RCAN1: variants seen among roughly 807,000 people sequenced by gnomAD.
RCAN1 encodes the protein regulator of calcineurin 1, also known as calcipressin-1.
Under a neutral mutation model 22.9 loss-of-function variants are expected in RCAN1, and 11 were observed. The observed-to-expected ratio is 0.48, with a 90% confidence interval of 0.30 to 0.79. RCAN1 has a LOEUF of 0.79. RCAN1 is among the 30% of genes least tolerant of loss of function. The probability of loss-of-function intolerance (pLI) is 0.06; values close to 1 mark genes in which losing one functional copy is unlikely to be tolerated. For missense variants in RCAN1, 291 were observed against 337.8 expected, an observed-to-expected ratio of 0.86 and a Z score of 1.09; for synonymous variants, 136 against 142.3, an observed-to-expected ratio of 0.96 and a Z score of 0.32.
intron 1 of RCAN1, among the ~76,000 whole-genome samples, chr21:34,557,807 G>A (rs994113969): frequency 6.6e-6 from 1 of 152,160 alleles, no homozygotes; most frequent in Non-Finnish European, 1.5e-5. Context: ...GCAGCGATCC[G>A]AAATTGACTG....
chr21:34,553,934 T>G (rs1986461882), intron 1 of RCAN1, among the ~76,000 whole-genome samples: 1 of 152,232 alleles, frequency 6.6e-6, no homozygotes, highest in Non-Finnish European at 1.5e-5. Flanking sequence ...TCATTACACC[T>G]TACTCAAAGG....
At chr21:34,528,634 G>C (rs2300385) in intron 1 of RCAN1, among the ~76,000 whole-genome samples, 84,474 of 151,920 alleles carry the variant, frequency 0.56, 24,685 homozygotes, top group African/African-American at 0.75. Flanking sequence ...GAGGTGAGGG[G>C]AGCAGACACA....
rs1205365046 is a variant in RCAN1 at position 34,614,397 on chromosome 21, AC to A, written c.252+362del. 1.0e-5 allele frequency: 10 copies of A among 996,142 alleles called. No individual in the cohort carries two copies. The highest frequency in any genetic ancestry group is 1.7e-5 in the African/African-American group (1 of 57,482). The allele number at this position is 996,142 out of a possible 1,614,324, so 61.7% of individuals were successfully genotyped here. A position where few individuals can be genotyped will look rare whatever the true frequency, so the allele number is the denominator to read the frequency against. Reference sequence around the variant, plus strand: ...TTTCCTCCTCCCTAGGAATGAGGTGACCCCCTCCTCCAGCGAGTAAATGCGG... The same window carrying A: ...TTTCCTCCTCCCTAGGAATGAGGTGACCCCTCCTCCAGCGAGTAAATGCGG... On this transcript the variant is annotated intron_variant, in intron 1 of 3. Coordinates refer to ENST00000313806, the MANE Select transcript of RCAN1 (RefSeq NM_004414.7). This position sits in a 1 kb window ranked among gnomAD's most constrained non-coding sequence, Gnocchi z 6.0.
intron 1 of RCAN1, among the ~76,000 whole-genome samples, chr21:34,548,827 C>T (rs1332146509): frequency 2.0e-5 from 3 of 152,154 alleles, no homozygotes; most frequent in African/African-American, 7.2e-5. Context: ...CTAAATAAAA[C>T]TGTATTTCTT....
intron 1 of RCAN1, among the ~76,000 whole-genome samples, chr21:34,544,103 T>C (rs915171918): frequency 1.3e-5 from 2 of 152,234 alleles, no homozygotes; most frequent in South Asian, 2.1e-4. Flanking sequence ...GTAGCTGCCT[T>C]ACTTGGCAAC....
intron 1 of RCAN1, among the ~76,000 whole-genome samples, chr21:34,603,574 C>T (rs1201778703): frequency 6.6e-6 from 1 of 152,206 alleles, no homozygotes; most frequent in Non-Finnish European, 1.5e-5. Context: ...GAATTTCTCA[C>T]TGAAGAGATG....
intron 1 of RCAN1, among the ~76,000 whole-genome samples, chr21:34,573,361 T>C (rs781655978): frequency 9.8e-5 from 15 of 152,320 alleles, no homozygotes; most frequent in Non-Finnish European, 8.8e-5. Context: ...TAACCATCAC[T>C]GATGGAAATA....
intron 1 of RCAN1, among the ~76,000 whole-genome samples, chr21:34,530,723 C>A (rs151100432): frequency 0.025 from 3,596 of 142,552 alleles, 114 homozygotes; most frequent in South Asian, 0.071. Context: ...CTCCTGGGTT[C>A]AAGCGATTCT....
chr21:34,597,995 G>T (rs964609197), intron 1 of RCAN1, among the ~76,000 whole-genome samples: 3 of 152,002 alleles, frequency 2.0e-5, no homozygotes, highest in Non-Finnish European at 4.4e-5. Flanking sequence ...AATAGATAGG[G>T]TCTATATAAA....
chr21:34,564,188 T>C (rs1229550049), intron 1 of RCAN1, among the ~76,000 whole-genome samples: 1 of 152,036 alleles, frequency 6.6e-6, no homozygotes, highest in Non-Finnish European at 1.5e-5. Context: ...AAGAACAGCA[T>C]GGGGGAAACC....
chr21:34,547,333 C>G (rs542317935), intron 1 of RCAN1, among the ~76,000 whole-genome samples: 1 of 152,294 alleles, frequency 6.6e-6, no homozygotes, highest in East Asian at 1.9e-4. Flanking sequence ...CCTTTCTCCC[C>G]CTCCCTCACC....
At chr21:34,613,151 T>C (rs1443033353) in intron 1 of RCAN1, among the ~76,000 whole-genome samples, 2 of 152,162 alleles carry the variant, frequency 1.3e-5, no homozygotes, top group Admixed American at 6.6e-5. Context: ...CTACATTGTC[T>C]CTGCTCAAAA....
rs543975454 is a variant in RCAN1 at position 34,526,690 on chromosome 21, A to G, written c.253-2980T>C. The G allele has an allele frequency of 1.1e-5, 17 of 1,613,562 alleles. No homozygotes were observed. The East Asian group carries it at 1.3e-4, about 13-fold the overall frequency. ...TGGTTTCACTTTCGCTGAAGATATC[A>G]CTGTTTGCCACACAGGCAATCAGGG... is the stretch of plus-strand genomic sequence containing the variant. On this transcript the variant is annotated intron_variant, in intron 1 of 3. Coordinates refer to ENST00000313806, the MANE Select transcript of RCAN1 (RefSeq NM_004414.7).
At chr21:34,521,253 G>T (rs1984502441) in intron 3 of RCAN1, 5 of 1,435,684 alleles carry the variant, frequency 3.5e-6, no homozygotes, top group Non-Finnish European at 4.6e-6. Flanking sequence ...GGACACTGCG[G>T]GGGGTGGAGG....
At position 34,578,843 on chromosome 21, in the gene RCAN1, T is replaced by C. The variant is rs1729152597; in HGVS notation, c.252+35917A>G. 1.3e-5 allele frequency among the ~76,000 whole-genome samples: 2 copies of C among 152,188 alleles called. 1 individual carries two copies. The highest frequency in any genetic ancestry group is 4.1e-4 in the South Asian group (2 of 4,830). ...TCCTCCTGGCCACTCGGTTGGGCTG[T>C]GGTCACACCATGCCTGGGAAGAGCG... is the stretch of plus-strand genomic sequence containing the variant. On this transcript the variant is annotated intron_variant, in intron 1 of 3. Transcript: ENST00000313806.
intron 1 of RCAN1, among the ~76,000 whole-genome samples, chr21:34,599,664 C>T (rs1249900848): frequency 6.6e-6 from 1 of 152,134 alleles, no homozygotes. Context: ...ATACACTCAA[C>T]AGAGGCTATC....
chr21:34,532,191 G>A (rs1337687003), intron 1 of RCAN1, among the ~76,000 whole-genome samples: 1 of 152,094 alleles, frequency 6.6e-6, no homozygotes, highest in African/African-American at 2.4e-5. Context: ...ATCACCTGAC[G>A]GATGGTAGAA....
chr21:34,577,716 G>C (rs1373131727), intron 1 of RCAN1, among the ~76,000 whole-genome samples: 1 of 152,212 alleles, frequency 6.6e-6, no homozygotes, highest in Non-Finnish European at 1.5e-5. Flanking sequence ...AGGCAGGAGT[G>C]TTACATGAAA....
chr21:34,562,416 C>T (rs1056581794), intron 1 of RCAN1, among the ~76,000 whole-genome samples: 3 of 152,162 alleles, frequency 2.0e-5, no homozygotes, highest in African/African-American at 7.2e-5. Context: ...ATGAATAAAG[C>T]CAGGTGACAA....
Sources: allele counts gnomAD v4.1 joint callset (sites outside exome capture counted in the v4.1 genomes callset), GRCh38; gene constraint gnomAD v4.1.1; non-coding constraint Gnocchi (gnomAD v3.1); transcripts MANE v1.5; gene names NCBI Gene and HGNC (gene_info 2026-07-23, HGNC 2026-07-21).